The following HENMT1 variants were observed in gnomAD, a reference collection of about 807,000 sequenced individuals.
HENMT1 encodes the protein small RNA 2'-O-methyltransferase.
In HENMT1, 27 loss-of-function variants were observed where a neutral mutation model predicts 31.1. The ratio of observed to expected loss-of-function variants is 0.87; its 90% CI spans 0.64 to 1.20. The LOEUF (loss-of-function observed/expected upper bound fraction) is 1.20, where lower values mean the gene tolerates loss of function less well. Among genes scored for constraint, HENMT1 ranks in the 50% most tolerant of loss-of-function variants. HENMT1 has a pLI of 0.00. For synonymous variants in HENMT1, 167 were observed against 172.2 expected, an observed-to-expected ratio of 0.97 and a Z score of 0.24; for missense variants, 438 against 469.6, an observed-to-expected ratio of 0.93 and a Z score of 0.62.
rs1171132772 is a variant in HENMT1, at chr1:108,661,043, A to G, written c.-159T>C. ...GCAGCATGCCCAACCGAAAAAACAA[A>G]GCTCGTCGCGGAGCCGCCAGCGTCC... On this transcript the variant is annotated 5_prime_UTR_variant, in exon 1 of 8. Transcript: ENST00000651461. 1 of 982,230 alleles carries G rather than the reference A, an allele frequency of 1.0e-6. No homozygotes were observed. The allele number at this position is 982,230 out of a possible 1,614,324, so 60.8% of individuals were successfully genotyped here.
At chr1:108,650,647 G>A (rs181190397) in intron 6 of HENMT1, among the ~76,000 whole-genome samples, 5 of 152,250 alleles carry the variant, frequency 3.3e-5, no homozygotes, top group East Asian at 3.9e-4. Context: ...TGGACAAGGA[G>A]GCAACAAGTG....
At chr1:108,658,106 C>T (rs1264475628) in intron 2 of HENMT1, among the ~76,000 whole-genome samples, 16 of 134,074 alleles carry the variant, frequency 1.2e-4, no homozygotes, top group South Asian at 6.8e-4. Flanking sequence ...TATATACACA[C>T]ACACACACAC....
chr1:108,652,815 G>A (rs1658095867), intron 5 of HENMT1, among the ~76,000 whole-genome samples: 1 of 151,760 alleles, frequency 6.6e-6, no homozygotes, highest in Non-Finnish European at 1.5e-5. Flanking sequence ...GTGGTGGCAG[G>A]CACCTGTAAT....
chr1:108,651,108 A>AC lies in HENMT1; in HGVS notation c.499_500insG (p.Phe167CysfsTer16). On this transcript the variant is annotated frameshift_variant, in exon 6 of 8. Transcript: ENST00000651461. LOFTEE classifies it high-confidence loss of function. The stretch of plus-strand genomic sequence containing the variant: ...GGTCACTGATGGAAACAGGGGATTG[A>AC]ATTCAGAGTTTGGTGTGCTGATGAC... 1 of 1,613,920 alleles carries AC rather than the reference A, an allele frequency of 6.2e-7. No individual in the cohort carries two copies. Among genetic ancestry groups the AC allele is most frequent in the Non-Finnish European group, 8.5e-7 (1 of 1,179,784 alleles).
At chr1:108,651,236 A>C (rs758339785) in intron 5 of HENMT1, 27 bp from the exon 6 acceptor site, 1 of 1,577,066 alleles carries the variant, frequency 6.3e-7, no homozygotes, top group Non-Finnish European at 8.7e-7. Context: ...GAAAGACATA[A>C]TAAAATCTAG....
chr1:108,658,048 CACACACACACACAT>C (rs1557742058), intron 2 of HENMT1, among the ~76,000 whole-genome samples: 1 of 79,374 alleles, frequency 1.3e-5, no homozygotes, highest in African/African-American at 8.4e-5. Flanking sequence ...CATATATATA[CACACACACACACAT>C]ATATATGTAC....
chr1:108,658,076 C>CACACACACACATATATAT (rs1408875678), intron 2 of HENMT1, among the ~76,000 whole-genome samples: 1 of 12,298 alleles, frequency 8.1e-5, no homozygotes, highest in East Asian at 5.3e-3. Flanking sequence ...TATGTACACA[C>CACACACACACATATATAT]ACACACACAC....
chr1:108,654,725 C>T lies in HENMT1; in HGVS notation c.389G>A (p.Cys130Tyr). 3 of 1,614,048 alleles carry T rather than the reference C, an allele frequency of 1.9e-6. No homozygotes were observed. The highest frequency in any genetic ancestry group is 1.7e-6 in the Non-Finnish European group (2 of 1,179,934). Reference protein sequence around the residue: ...SRLLGFDLITCIELIEHLDSG... With the variant: ...SRLLGFDLITYIELIEHLDSG... ...TCAGTTTAAAACTTACAATTCAATACACGTTATCAAGTCAAATCCAAGCAA... is the reference window on the plus strand; with the variant it reads ...TCAGTTTAAAACTTACAATTCAATATACGTTATCAAGTCAAATCCAAGCAA... Residue 130 changes from cysteine to tyrosine, a missense_variant, in exon 5 of 8, where the codon TGT becomes TAT. Coordinates refer to ENST00000651461, the MANE Select transcript of HENMT1 (RefSeq NM_001102592.2).
chr1:108,657,327 G>C lies in HENMT1; in HGVS notation c.150+124C>G, dbSNP rs112791724. On this transcript the variant is annotated intron_variant, in intron 3 of 7. Transcript: ENST00000651461. ...AGACACCTGCAGATCTTGTGGTTAC[G>C]GCATTCTCCCTATTGCAATAACCCC... The C allele has an allele frequency of 1.2e-5, 8 of 643,224 alleles. 1 individual carries two copies. Among genetic ancestry groups the C allele is most frequent in the Non-Finnish European group, 2.1e-5 (8 of 373,186 alleles). The allele number at this position is 643,224 out of a possible 1,614,324, so 39.8% of individuals were successfully genotyped here. A position where few individuals can be genotyped will look rare whatever the true frequency, so the allele number is the denominator to read the frequency against.
chr1:108,653,466 G>T (rs1201552908), intron 5 of HENMT1, among the ~76,000 whole-genome samples: 1 of 152,190 alleles, frequency 6.6e-6, no homozygotes, highest in Non-Finnish European at 1.5e-5. Context: ...CCAGTAGTGG[G>T]ATTGCTAGAT....
Position 108,658,133 on chromosome 1 carries a change from A to ATAT in HENMT1, c.22-555_22-554insATA, listed in dbSNP as rs1553183821. Among the ~76,000 whole-genome samples the ATAT allele has an allele frequency of 1.4e-4, 19 of 134,170 alleles. 1 individual carries two copies. The highest frequency in any genetic ancestry group is 4.7e-4 in the African/African-American group (16 of 34,284). The allele number at this position is 134,170 out of a possible 152,430, so 88.0% of individuals were successfully genotyped here. On this transcript the variant is annotated intron_variant, in intron 2 of 7. Coordinates refer to ENST00000651461, the MANE Select transcript of HENMT1 (RefSeq NM_001102592.2). ...CACACACACACATATATATATATAT[A>ATAT]TTTTTTTTTTCCCCCCAAGACGGAG...
At position 108,651,027 on chromosome 1, in the gene HENMT1, T is replaced by C. The variant is rs1658036928; in HGVS notation, c.578+3A>G. On this transcript the variant is annotated splice_donor_region_variant and intron_variant, in intron 6 of 7. Coordinates refer to ENST00000651461, the MANE Select transcript of HENMT1 (RefSeq NM_001102592.2). The stretch of plus-strand genomic sequence containing the variant: ...AAATAAACAAAAACCCTTCTGAACT[T>C]ACCAGGTCTGAAACTCCATTCTGGT... The C allele has an allele frequency of 6.2e-7, 1 of 1,608,058 alleles. No homozygotes were observed. Among genetic ancestry groups the C allele is most frequent in the African/African-American group, 1.3e-5 (1 of 74,780 alleles).
intron 5 of HENMT1, among the ~76,000 whole-genome samples, chr1:108,653,768 G>A (rs921039676): frequency 2.0e-5 from 3 of 151,904 alleles, no homozygotes; most frequent in African/African-American, 7.3e-5. Flanking sequence ...TTTTATTTGG[G>A]GTTTTTTTGC....
In HENMT1 at chr1:108,650,297, T is replaced by C. The variant is rs773573636; in HGVS notation, c.670A>G (p.Thr224Ala). ...TTTTTCCGGAAGATTCCTATCTGGG[T>C]ACAGTATCCAACATTCTCAGCTCCA... ...PAGAENVGYC[T>A]QIGIFRKNGG... Residue 224 changes from threonine (T) to alanine (A), a missense_variant, in exon 7 of 8, where the codon ACC becomes GCC. Transcript: ENST00000651461. The C allele has an allele frequency of 1.9e-6, 3 of 1,613,984 alleles. No individual in the cohort carries two copies. The African/African-American group carries it at 4.0e-5, about 22-fold the overall frequency.
At chr1:108,657,141 C>T (rs1658268820) in intron 3 of HENMT1, among the ~76,000 whole-genome samples, 2 of 152,162 alleles carry the variant, frequency 1.3e-5, no homozygotes, top group African/African-American at 4.8e-5. Context: ...TCAAACTTTA[C>T]TTCTTCCCCC....
intron 3 of HENMT1, 83 bp from the exon 4 acceptor site, chr1:108,655,781 G>A: frequency 1.4e-6 from 1 of 729,934 alleles, no homozygotes; most frequent in Non-Finnish European, 2.3e-6. Context: ...GGAGGAGAGA[G>A]TGGAGTATAT....
intron 4 of HENMT1, 32 bp downstream of exon 4, chr1:108,655,554 A>T: frequency 8.1e-7 from 1 of 1,233,266 alleles, no homozygotes; most frequent in Non-Finnish European, 1.2e-6. Flanking sequence ...GTTTTAGATT[A>T]ACGCATAATT....
In HENMT1 at chr1:108,651,170, A is replaced by C; in HGVS notation, c.438T>G (p.Pro146=). 6 of 1,614,128 alleles carry C rather than the reference A, an allele frequency of 3.7e-6. No homozygotes were observed. The highest frequency in any genetic ancestry group is 5.1e-6 in the Non-Finnish European group (6 of 1,179,984). ...GAGACAGGTACCCAAATACCACTTC[A>C]GGAAATCTGGCCAGATCACCTGAAT... The part of the protein sequence containing the change: ...HLDSGDLARF[P]EVVFGYLSPS... The change falls in exon 6 of 8, where the codon CCT becomes CCG. Residue 146 remains proline, a synonymous_variant. Transcript: ENST00000651461.
In HENMT1 at chr1:108,648,970, T is replaced by C. The variant is rs1192855828; in HGVS notation, c.778A>G (p.Ser260Gly). 5 of 1,606,592 alleles carry C rather than the reference T, an allele frequency of 3.1e-6. No individual in the cohort carries two copies. Among genetic ancestry groups the C allele is most frequent in the Non-Finnish European group, 4.3e-6 (5 of 1,174,874 alleles). The change falls in exon 8 of 8, where the codon AGC becomes GGC. Residue 260 changes from serine (S) to glycine (G), a missense_variant. Coordinates refer to ENST00000651461, the MANE Select transcript of HENMT1 (RefSeq NM_001102592.2). Reference sequence around the variant, plus strand: ...TTAAAGAACCTTTCCTGCTGTAAGCTTGGGTATGAGGTGGTAAAAACCTGA... The same window carrying C: ...TTAAAGAACCTTTCCTGCTGTAAGCCTGGGTATGAGGTGGTAAAAACCTGA... Reference protein sequence around the residue: ...YKAVFTTSYPSLQQERFFKLV... With the variant: ...YKAVFTTSYPGLQQERFFKLV...
Sources: allele counts gnomAD v4.1 joint callset (sites outside exome capture counted in the v4.1 genomes callset), GRCh38; gene constraint gnomAD v4.1.1; transcripts MANE v1.5; gene names NCBI Gene and HGNC (gene_info 2026-07-23, HGNC 2026-07-21).